MDH2: variants seen among roughly 807,000 people sequenced by gnomAD.
The protein encoded by MDH2 is malate dehydrogenase, mitochondrial.
In MDH2, 25 loss-of-function variants were observed where a neutral mutation model predicts 33.6. The observed-to-expected ratio is 0.74, with a 90% CI of 0.54 to 1.04. The LOEUF (loss-of-function observed/expected upper bound fraction) is 1.04, where lower values mean the gene tolerates loss of function less well. Ranked by LOEUF, MDH2 falls within the 50% of genes least tolerant of loss-of-function variation. The pLI is 0.00. For missense variants in MDH2, 432 were observed against 445.0 expected (o/e 0.97, Z 0.26); for synonymous variants, 193 against 188.7 (o/e 1.02, Z -0.19).
chr7:76,048,420 A>G (rs2116626900), intron 1 of MDH2, 194 bp downstream of exon 1: 4 of 1,123,864 alleles, frequency 3.6e-6, no homozygotes, highest in Non-Finnish European at 3.6e-6. Context: ...GCCGGGGAAA[A>G]GGGGGCGAGG....
At position 76,048,214 on chromosome 7, in the gene MDH2, CA is replaced by C; in HGVS notation, c.55del (p.Thr19ProfsTer9). ...GCGCTGCTCTCCGCCGCAGCTTCAG[CA>C]CCTCGGCCCAGGTAGGCCAGACGAG... ...ASAALRRSFS[T>X]SAQNNAKVAV... On this transcript the variant is annotated frameshift_variant, in exon 1 of 9. Coordinates refer to ENST00000315758, the MANE Select transcript of MDH2 (RefSeq NM_005918.4). LOFTEE classifies it high-confidence loss of function. 6.5e-7 allele frequency: 1 copy of C among 1,535,662 alleles called. No individual in the cohort carries two copies. The highest frequency in any genetic ancestry group is 8.7e-7 in the Non-Finnish European group (1 of 1,146,628).
chr7:76,052,525 C>T (rs1222357957), intron 1 of MDH2, among the ~76,000 whole-genome samples: 9 of 150,842 alleles, frequency 6.0e-5, no homozygotes, highest in African/African-American at 2.2e-4. Context: ...GGAACCACTG[C>T]CCTGGCTGAG....
At chr7:76,051,283 C>T (rs1554585402) in intron 1 of MDH2, among the ~76,000 whole-genome samples, 1 of 150,904 alleles carries the variant, frequency 6.6e-6, no homozygotes, top group Non-Finnish European at 1.5e-5. Context: ...GAAAGATGGG[C>T]TTGAGCCCAT....
rs151290126 is a variant in MDH2 at position 76,058,151 on chromosome 7, G to T, written c.429+73G>T. 2.9e-6 allele frequency: 4 copies of T among 1,364,166 alleles called. No individual in the cohort carries two copies. The African/African-American group carries it at 5.7e-5, about 19-fold the overall frequency. The allele number at this position is 1,364,166 out of a possible 1,614,324, so 84.5% of individuals were successfully genotyped here. A position where few individuals can be genotyped will look rare whatever the true frequency, so the allele number is the denominator to read the frequency against. ...TGCTGACAGTGCGTGAAAAGCTCAC[G>T]GTTTGCAGCAAAGGCTGCTGATGTG... On this transcript the variant is annotated intron_variant, in intron 4 of 8. Transcript: ENST00000315758.
intron 2 of MDH2, among the ~76,000 whole-genome samples, chr7:76,056,304 G>A (rs1374278592): frequency 6.6e-6 from 1 of 152,148 alleles, no homozygotes; most frequent in Non-Finnish European, 1.5e-5. Context: ...CACAGAATTA[G>A]TAGGTATGAA....
Position 76,064,457 on chromosome 7 carries a change from C to G in MDH2, c.733+19C>G. 1.2e-6 allele frequency: 2 copies of G among 1,602,516 alleles called. No individual in the cohort carries two copies. On this transcript the variant is annotated intron_variant, in intron 7 of 8. Transcript: ENST00000315758. ...GGAGCAGGTAGAGTCTCAGGCAGCCCCGGGGCTGGGTGCCAGTGAGGCCCT... is the reference window on the plus strand; with the variant it reads ...GGAGCAGGTAGAGTCTCAGGCAGCCGCGGGGCTGGGTGCCAGTGAGGCCCT...
chr7:76,049,186 T>A, intron 1 of MDH2: 5 of 835,560 alleles, frequency 6.0e-6, no homozygotes, highest in Non-Finnish European at 7.2e-6. Flanking sequence ...GCTCCTGGAT[T>A]GATGGCTACT....
At chr7:76,052,899 A>G (rs940802470) in intron 1 of MDH2, among the ~76,000 whole-genome samples, 14 of 151,828 alleles carry the variant, frequency 9.2e-5, no homozygotes, top group Non-Finnish European at 1.6e-4. Context: ...CTGGAATGCA[A>G]TGGCGCCATC....
intron 1 of MDH2, chr7:76,054,454 A>G (rs1554585897): frequency 7.4e-6 from 2 of 268,714 alleles, no homozygotes; most frequent in South Asian, 3.7e-5. Flanking sequence ...TCTTCCTGCA[A>G]CCTCAGTTAC....
At chr7:76,049,605 G>A (rs934132186) in intron 1 of MDH2, among the ~76,000 whole-genome samples, 2 of 152,102 alleles carry the variant, frequency 1.3e-5, no homozygotes, top group Admixed American at 1.3e-4. Flanking sequence ...GAGGACAGGG[G>A]TGTCCAGGGA....
rs782759642 is a variant in MDH2 at position 76,054,918 on chromosome 7, G to GC, written c.157dup (p.Leu53ProfsTer5). ...CTGAAGAACAGCCCCTTGGTGAGCC[G>GC]CCTGACCCTCTATGATATCGCGCAC... On this transcript the variant is annotated frameshift_variant, in exon 2 of 9. Transcript: ENST00000315758. LOFTEE classifies it high-confidence loss of function. 292 of 1,613,960 alleles carry GC rather than the reference G, an allele frequency of 1.8e-4. No homozygotes were observed. The highest frequency in any genetic ancestry group is 2.4e-4 in the Non-Finnish European group (279 of 1,180,028).
At chr7:76,048,289 G>T in intron 1 of MDH2, 63 bp downstream of exon 1, 1 of 1,507,160 alleles carries the variant, frequency 6.6e-7, no homozygotes, top group Non-Finnish European at 8.8e-7. Context: ...GTGCGTCCCC[G>T]GTTCGCGGGC....
intron 1 of MDH2, among the ~76,000 whole-genome samples, chr7:76,049,791 A>G (rs1324373137): frequency 2.6e-5 from 4 of 152,122 alleles, no homozygotes; most frequent in Admixed American, 2.6e-4. Flanking sequence ...ATGCAAGAAA[A>G]ATGGGGATTG....
At chr7:76,049,049 GA>G in intron 1 of MDH2, 1 of 982,276 alleles carries the variant, frequency 1.0e-6, no homozygotes, top group Non-Finnish European at 1.2e-6. Flanking sequence ...GAGAACCCAG[GA>G]GGTGCTCGCA....
At chr7:76,056,638 G>T (rs951395024) in intron 2 of MDH2, among the ~76,000 whole-genome samples, 35 of 152,212 alleles carry the variant, frequency 2.3e-4, no homozygotes, top group African/African-American at 8.4e-4. Flanking sequence ...TTTTCCTTCA[G>T]ATGATAGGAG....
At chr7:76,060,854 G>A (rs1335603953) in intron 5 of MDH2, among the ~76,000 whole-genome samples, 2 of 151,830 alleles carry the variant, frequency 1.3e-5, no homozygotes, top group African/African-American at 2.4e-5. Context: ...CTGGTCCTGG[G>A]AGGATTTACC....
intron 4 of MDH2, 70 bp from the exon 5 acceptor site, chr7:76,060,303 T>C: frequency 1.3e-6 from 2 of 1,581,750 alleles, no homozygotes; most frequent in South Asian, 2.3e-5. Context: ...CAAAAAGCCC[T>C]TTTCCTGCTG....
chr7:76,065,280 G>A (rs566364852), intron 8 of MDH2: 9 of 233,944 alleles, frequency 3.8e-5, no homozygotes, highest in South Asian at 3.4e-4. Flanking sequence ...CCTCCCTGTC[G>A]CTCCTTGTTC....
intron 5 of MDH2, among the ~76,000 whole-genome samples, chr7:76,062,334 C>A (rs1215191458): frequency 6.6e-6 from 1 of 152,238 alleles, no homozygotes; most frequent in Non-Finnish European, 1.5e-5. Flanking sequence ...TATTTGAGGG[C>A]AAGCCTCTGG....
Sources: gnomAD v4.1 joint callset for allele counts (sites outside exome capture counted in the v4.1 genomes callset) on GRCh38, gnomAD v4.1.1 for gene constraint, MANE v1.5 for transcripts, NCBI Gene and HGNC (gene_info 2026-07-23, HGNC 2026-07-21) for gene names.